Variants in COL8A1 observed in about 807,000 individuals in gnomAD.
COL8A1 encodes collagen alpha-1(VIII) chain.
Under a neutral mutation model 42.7 loss-of-function variants are expected in COL8A1, and 21 were observed. The ratio of observed to expected loss-of-function variants is 0.49; its 90% CI spans 0.35 to 0.71. The LOEUF (loss-of-function observed/expected upper bound fraction) is 0.71, where lower values mean the gene tolerates loss of function less well. Ranked by LOEUF, COL8A1 falls within the 30% of genes least tolerant of loss-of-function variation. The pLI is 0.01. For synonymous variants in COL8A1, 367 were observed against 369.1 expected (o/e 0.99, Z 0.06); for missense variants, 788 against 962.4 (o/e 0.82, Z 2.40).
intron 1 of COL8A1, among the ~76,000 whole-genome samples, chr3:99,655,699 G>T (rs1937996890): frequency 6.6e-6 from 1 of 152,212 alleles, no homozygotes; most frequent in African/African-American, 2.4e-5. Flanking sequence ...AATCAAAAGT[G>T]CTCAGAGAAT....
intron 2 of COL8A1, among the ~76,000 whole-genome samples, chr3:99,759,420 C>G (rs905299449): frequency 1.3e-5 from 2 of 152,078 alleles, no homozygotes; most frequent in African/African-American, 4.8e-5. Flanking sequence ...GAAATATCCT[C>G]GAAATGATTT....
chr3:99,638,981 A>G (rs911464398), intron 1 of COL8A1, among the ~76,000 whole-genome samples: 4 of 152,192 alleles, frequency 2.6e-5, no homozygotes, highest in Non-Finnish European at 4.4e-5. Context: ...TTCACTGTAC[A>G]TATTTCACAC....
chr3:99,696,986 T>C (rs1939390782), intron 1 of COL8A1, among the ~76,000 whole-genome samples: 1 of 132,392 alleles, frequency 7.6e-6, no homozygotes, highest in African/African-American at 2.9e-5. Context: ...ATTTTTTTTT[T>C]TTTTTTTTTT....
Position 99,783,886 on chromosome 3 carries a change from C to T in COL8A1, c.-3-6794C>T, listed in dbSNP as rs143605555. 4.4e-3 allele frequency among the ~76,000 whole-genome samples: 668 copies of T among 152,278 alleles called. 7 individuals carry two copies. Among genetic ancestry groups the T allele is most frequent in the African/African-American group, 0.016 (652 of 41,560 alleles). ...TCCCTCCCTTGACATATGGGGATTA[C>T]AATTTGAGATGAGATTTCGGTGGGG... On this transcript the variant is annotated intron_variant, in intron 2 of 3. Coordinates refer to ENST00000652472, the MANE Select transcript of COL8A1 (RefSeq NM_020351.4).
chr3:99,654,133 C>T (rs1937939488), intron 1 of COL8A1, among the ~76,000 whole-genome samples: 1 of 152,160 alleles, frequency 6.6e-6, no homozygotes, highest in African/African-American at 2.4e-5. Context: ...CAGAAAGCAT[C>T]CAACACAGGA....
Position 99,769,632 on chromosome 3 carries a change from C to T in COL8A1, c.-3-21048C>T, listed in dbSNP as rs143439873. 6.3e-4 allele frequency among the ~76,000 whole-genome samples: 96 copies of T among 152,276 alleles called. 2 individuals are homozygous for T. The highest frequency in any genetic ancestry group is 2.2e-3 in the African/African-American group (93 of 41,560). On this transcript the variant is annotated intron_variant, in intron 2 of 3. Transcript: ENST00000652472. ...TCACTGGGACCCCTGTAACAAAAGACAGATTGGGCCAGGCGCGATGGCTCA... is the reference window on the plus strand; with the variant it reads ...TCACTGGGACCCCTGTAACAAAAGATAGATTGGGCCAGGCGCGATGGCTCA...
chr3:99,653,094 T>C (rs190160130), intron 1 of COL8A1, among the ~76,000 whole-genome samples: 5 of 152,334 alleles, frequency 3.3e-5, no homozygotes, highest in Middle Eastern at 3.4e-3. Flanking sequence ...TTAAATAAGA[T>C]AACATGTAAG....
At chr3:99,779,742 TC>T (rs1382940133) in intron 2 of COL8A1, among the ~76,000 whole-genome samples, 1 of 152,224 alleles carries the variant, frequency 6.6e-6, no homozygotes, top group Non-Finnish European at 1.5e-5. Context: ...CAGAGATTTT[TC>T]CTTGCAATGA....
At chr3:99,652,736 T>C (rs1559768409) in intron 1 of COL8A1, among the ~76,000 whole-genome samples, 1 of 152,238 alleles carries the variant, frequency 6.6e-6, no homozygotes, top group Non-Finnish European at 1.5e-5. Flanking sequence ...GATGGGCTAG[T>C]CAGCAGGAAT....
chr3:99,707,865 A>T (rs566907354), intron 1 of COL8A1, among the ~76,000 whole-genome samples: 2 of 152,286 alleles, frequency 1.3e-5, no homozygotes, highest in Admixed American at 6.5e-5. Context: ...TCATTCAAGT[A>T]ATCCCACCAA....
intron 1 of COL8A1, among the ~76,000 whole-genome samples, chr3:99,683,543 AT>A (rs1938955855): frequency 6.6e-6 from 1 of 152,158 alleles, no homozygotes; most frequent in Non-Finnish European, 1.5e-5. Context: ...ATCCCTCATG[AT>A]TGTTTAAAAC....
intron 1 of COL8A1, among the ~76,000 whole-genome samples, chr3:99,743,211 G>A (rs556858662): frequency 1.3e-5 from 2 of 152,288 alleles, no homozygotes; most frequent in South Asian, 4.1e-4. Context: ...CATACTACAT[G>A]AGAGTGGACT....
At chr3:99,733,053 C>T (rs921807714) in intron 1 of COL8A1, among the ~76,000 whole-genome samples, 1 of 151,674 alleles carries the variant, frequency 6.6e-6, no homozygotes, top group Non-Finnish European at 1.5e-5. Flanking sequence ...AATGTCAGCT[C>T]CCACGGCCTT....
intron 1 of COL8A1, among the ~76,000 whole-genome samples, chr3:99,687,939 C>A (rs560635269): frequency 6.6e-6 from 1 of 152,158 alleles, no homozygotes; most frequent in East Asian, 1.9e-4. Context: ...GAAAGCAGCA[C>A]AAGAGAGTTG....
chr3:99,775,488 G>T (rs1251681744), intron 2 of COL8A1, among the ~76,000 whole-genome samples: 1 of 152,160 alleles, frequency 6.6e-6, no homozygotes, highest in East Asian at 1.9e-4. Flanking sequence ...TTTGGTGGAG[G>T]TCAGTTCCTT....
intron 1 of COL8A1, chr3:99,691,702 T>TTTTA (rs1392314344): frequency 8.0e-6 from 1 of 124,284 alleles, no homozygotes; most frequent in Admixed American, 8.1e-5. Flanking sequence ...TTTTTTTTTT[T>TTTTA]AAAAAAAAAA....
At chr3:99,724,412 C>A (rs757643198) in intron 1 of COL8A1, among the ~76,000 whole-genome samples, 1 of 152,122 alleles carries the variant, frequency 6.6e-6, no homozygotes, top group Non-Finnish European at 1.5e-5. Context: ...TAAATCCAGT[C>A]TTGCTGGAGT....
chr3:99,733,065 G>A (rs1021860858), intron 1 of COL8A1, among the ~76,000 whole-genome samples: 2 of 150,680 alleles, frequency 1.3e-5, no homozygotes, highest in Non-Finnish European at 2.9e-5. Flanking sequence ...CACGGCCTTG[G>A]GCAACTCTAC....
intron 1 of COL8A1, among the ~76,000 whole-genome samples, chr3:99,738,910 G>A (rs907965461): frequency 6.6e-6 from 1 of 152,212 alleles, no homozygotes; most frequent in Non-Finnish European, 1.5e-5. Flanking sequence ...AGCCAGATGT[G>A]GGATATAATC....
Sources: gnomAD v4.1 joint callset for allele counts (sites outside exome capture counted in the v4.1 genomes callset) on GRCh38, gnomAD v4.1.1 for gene constraint, MANE v1.5 for transcripts, NCBI Gene and HGNC (gene_info 2026-07-23, HGNC 2026-07-21) for gene names.